The following ADAMTS20 variants were observed in gnomAD, a reference collection of about 807,000 sequenced individuals.
ADAMTS20 encodes the protein A disintegrin and metalloproteinase with thrombospondin motifs 20.
Under a neutral mutation model 260.1 loss-of-function variants are expected in ADAMTS20, and 225 were observed. The ratio of observed to expected loss-of-function variants is 0.87; its 90% confidence interval spans 0.78 to 0.97. The LOEUF is 0.97. Among genes scored for constraint, ADAMTS20 ranks in the 50% least tolerant of loss-of-function variants. The pLI is 0.00. For synonymous variants in ADAMTS20, 802 were observed against 769.5 expected (o/e 1.04, Z -0.70); for missense variants, 2,400 against 2,337.7 (o/e 1.03, Z -0.55).
intron 31 of ADAMTS20, among the ~76,000 whole-genome samples, chr12:43,377,964 A>AAATT (rs1940267231): frequency 6.6e-6 from 1 of 152,220 alleles, no homozygotes; most frequent in East Asian, 1.9e-4. Flanking sequence ...ATAAGTTAGC[A>AAATT]CACATGTATC....
At chr12:43,444,118 C>A (rs1050390595) in intron 15 of ADAMTS20, among the ~76,000 whole-genome samples, 17 of 152,108 alleles carry the variant, frequency 1.1e-4, no homozygotes, top group Admixed American at 9.2e-4. Context: ...TTTTCCTAAT[C>A]TTTTCCTACT....
At chr12:43,356,403 A>G (rs1268447364) in intron 38 of ADAMTS20, 81 bp downstream of exon 38, 1 of 844,332 alleles carries the variant, frequency 1.2e-6, no homozygotes, top group Non-Finnish European at 1.9e-6. Flanking sequence ...ATATAAGTTT[A>G]CATTTTAGGT....
chr12:43,529,549 A>G (rs768776279), intron 3 of ADAMTS20, among the ~76,000 whole-genome samples: 6 of 152,170 alleles, frequency 3.9e-5, no homozygotes, highest in Non-Finnish European at 7.4e-5. Flanking sequence ...AAGTAATTTC[A>G]GGAATGAAAA....
intron 7 of ADAMTS20, among the ~76,000 whole-genome samples, chr12:43,484,938 G>C (rs962920767): frequency 4.6e-5 from 7 of 151,918 alleles, no homozygotes; most frequent in Admixed American, 3.9e-4. Context: ...AAGAACCTCA[G>C]GGCCAGACGG....
At chr12:43,422,797 G>A (rs916822829) in intron 28 of ADAMTS20, 2 of 151,888 alleles carry the variant, frequency 1.3e-5, no homozygotes. Flanking sequence ...TGTGATTATT[G>A]TTTTCTTGGT....
intron 37 of ADAMTS20, among the ~76,000 whole-genome samples, chr12:43,365,168 A>G (rs538014239): frequency 1.2e-4 from 19 of 152,208 alleles, no homozygotes; most frequent in Admixed American, 1.1e-3. Context: ...CCTATCATTC[A>G]GAAAGGAAGG....
At chr12:43,467,508 C>T (rs1391977680) in intron 8 of ADAMTS20, among the ~76,000 whole-genome samples, 2 of 152,002 alleles carry the variant, frequency 1.3e-5, no homozygotes, top group Non-Finnish European at 2.9e-5. Context: ...TTAAATTAAA[C>T]AACTTACCCA....
rs1170445994 is a variant in ADAMTS20, at chr12:43,551,059, G to A, written c.303C>T (p.Ala101=). 9.9e-6 allele frequency: 16 copies of A among 1,613,646 alleles called. No individual in the cohort carries two copies. The highest frequency in any genetic ancestry group is 1.4e-5 in the Non-Finnish European group (16 of 1,179,792). The change falls in exon 2 of 39, where the codon GCC becomes GCT. Residue 101 remains alanine (A), a synonymous_variant. Transcript: ENST00000389420. The surrounding 1 kb of genome is among the most constrained non-coding windows in gnomAD (Gnocchi z 4.6). ...CCAAGTGCACCTCGGTGTAGCCGGCGGCCAGAAAGGATGCATCGGCGGTCA... is the reference window on the plus strand; with the variant it reads ...CCAAGTGCACCTCGGTGTAGCCGGCAGCCAGAAAGGATGCATCGGCGGTCA... ...LNLTADASFL[A]AGYTEVHLGT... is the part of the protein sequence containing the mutation.
intron 3 of ADAMTS20, among the ~76,000 whole-genome samples, chr12:43,526,283 G>A (rs1304433291): frequency 2.0e-5 from 3 of 152,166 alleles, no homozygotes; most frequent in Middle Eastern, 3.4e-3. Flanking sequence ...GTGAAACCCC[G>A]TCTGTACTAA....
chr12:43,430,358 G>C lies in ADAMTS20; in HGVS notation c.3375C>G (p.Asp1125Glu). 1.9e-6 allele frequency: 3 copies of C among 1,611,608 alleles called. No homozygotes were observed. The highest frequency in any genetic ancestry group is 1.7e-6 in the Non-Finnish European group (2 of 1,178,678). ...TECHEASRPS[D>E]RQSCVLTPCS... ...AAACCATGATTCTTTTTACCTGTCT[G>C]TCACTGGGGCGACTAGCTTCATGGC... The change falls in exon 23 of 39, where the codon GAC becomes GAG. Residue 1125 changes from aspartate (D) to glutamate (E), a missense_variant. By Grantham distance (45) the Asp-to-Glu change is conservative (BLOSUM62 2). Coordinates refer to ENST00000389420, the MANE Select transcript of ADAMTS20 (RefSeq NM_025003.5).
intron 7 of ADAMTS20, among the ~76,000 whole-genome samples, chr12:43,475,621 G>A (rs537010527): frequency 3.9e-5 from 6 of 152,114 alleles, no homozygotes; most frequent in South Asian, 2.1e-4. Context: ...AACCAAAACC[G>A]CATGGTACTG....
chr12:43,428,836 A>G, intron 24 of ADAMTS20, 37 bp from the exon 25 acceptor site: 1 of 1,546,002 alleles, frequency 6.5e-7, no homozygotes, highest in South Asian at 1.3e-5. Context: ...GGCATTATAC[A>G]GTAGTACCTC....
At chr12:43,496,860 T>C (rs998985693) in intron 4 of ADAMTS20, among the ~76,000 whole-genome samples, 6 of 152,080 alleles carry the variant, frequency 3.9e-5, no homozygotes, top group Non-Finnish European at 5.9e-5. Flanking sequence ...CACATACACA[T>C]ATTAAATCTA....
At chr12:43,413,558 A>C (rs1246938760) in intron 28 of ADAMTS20, among the ~76,000 whole-genome samples, 2 of 152,194 alleles carry the variant, frequency 1.3e-5, no homozygotes, top group Admixed American at 1.3e-4. Flanking sequence ...ACTATTAATA[A>C]GTATCACCTT....
intron 37 of ADAMTS20, among the ~76,000 whole-genome samples, chr12:43,366,689 A>G (rs1939993999): frequency 6.6e-6 from 1 of 151,900 alleles, no homozygotes; most frequent in African/African-American, 2.4e-5. Context: ...ATTAAACTCC[A>G]CACTCTTAAA....
At chr12:43,447,322 G>A (rs1240356462) in intron 14 of ADAMTS20, among the ~76,000 whole-genome samples, 1 of 152,252 alleles carries the variant, frequency 6.6e-6, no homozygotes, top group East Asian at 1.9e-4. Context: ...TCCCCGGGGT[G>A]CAAATTTGGT....
intron 28 of ADAMTS20, among the ~76,000 whole-genome samples, chr12:43,410,384 A>G (rs1017692795): frequency 1.3e-5 from 2 of 152,202 alleles, no homozygotes; most frequent in African/African-American, 4.8e-5. Context: ...CCCTTAAGGA[A>G]AAAAACAGTG....
chr12:43,506,437 A>C (rs1450980187), intron 3 of ADAMTS20, among the ~76,000 whole-genome samples: 1 of 152,078 alleles, frequency 6.6e-6, no homozygotes, highest in African/African-American at 2.4e-5. Context: ...AACACTACTG[A>C]AGTGCACACG....
In ADAMTS20 at chr12:43,428,525, C is replaced by T. The variant is rs1297615828; in HGVS notation, c.3661G>A (p.Ala1221Thr). 5.6e-6 allele frequency: 9 copies of T among 1,609,706 alleles called. No individual in the cohort carries two copies. The highest frequency in any genetic ancestry group is 7.6e-6 in the Non-Finnish European group (9 of 1,177,200). The part of the protein sequence containing the change: ...WQAGDWSPCS[A>T]SCGHGKTTRQ... The stretch of plus-strand genomic sequence containing the variant: ...GTTGTTTTTCCATGGCCACAGGAAG[C>T]TGAACACTGATCAAAAATTTAGCCA... The change falls in exon 26 of 39, where the codon GCT becomes ACT. Residue 1221 changes from alanine (A) to threonine (T), a missense_variant. Coordinates refer to ENST00000389420, the MANE Select transcript of ADAMTS20 (RefSeq NM_025003.5).
Sources: allele counts gnomAD v4.1 joint callset (sites outside exome capture counted in the v4.1 genomes callset), GRCh38; gene constraint gnomAD v4.1.1; non-coding constraint Gnocchi (gnomAD v3.1); transcripts MANE v1.5; gene names NCBI Gene and HGNC (gene_info 2026-07-23, HGNC 2026-07-21).